Variants in STK38L observed in about 807,000 individuals in gnomAD.
STK38L encodes the protein serine/threonine-protein kinase 38-like.
STK38L carries 28 observed loss-of-function variants against 59.7 expected under a neutral mutation model. The ratio of observed to expected loss-of-function variants is 0.47; its 90% CI spans 0.35 to 0.64. STK38L has a LOEUF of 0.64. Ranked by LOEUF, STK38L falls within the 30% of genes least tolerant of loss-of-function variation. STK38L has a pLI of 0.01. For synonymous variants in STK38L, 162 were observed against 176.8 expected, an observed-to-expected ratio of 0.92 and a Z score of 0.66; for missense variants, 314 against 555.8, an observed-to-expected ratio of 0.56 and a Z score of 4.37.
rs191162039 is a variant in STK38L at position 27,318,565 on chromosome 12, G to A, written c.1079+546G>A. Reference sequence around the variant, plus strand: ...TTCGCTTATGCAGATAATCAGATACGTATAAAGATTTAGGTACACTATGAT... The same window carrying A: ...TTCGCTTATGCAGATAATCAGATACATATAAAGATTTAGGTACACTATGAT... On this transcript the variant is annotated intron_variant, in intron 11 of 13. Transcript: ENST00000389032. Among the ~76,000 whole-genome samples, 55 of 152,228 alleles carry A rather than the reference G, an allele frequency of 3.6e-4. 1 individual carries two copies. Among genetic ancestry groups the A allele is most frequent in the African/African-American group, 2.4e-5 (1 of 41,538 alleles).
chr12:27,280,000 C>T (rs1444296981), intron 1 of STK38L, among the ~76,000 whole-genome samples: 2 of 152,030 alleles, frequency 1.3e-5, no homozygotes, highest in African/African-American at 4.8e-5. Flanking sequence ...ATGTGGGAAG[C>T]GCCTACTTTA....
intron 1 of STK38L, among the ~76,000 whole-genome samples, chr12:27,262,725 AG>A (rs1163595510): frequency 1.4e-5 from 2 of 140,288 alleles, no homozygotes; most frequent in Non-Finnish European, 1.6e-5. Context: ...AAAAAAAAAA[AG>A]GAATAATATG....
At chr12:27,251,540 A>C (rs1228874990) in intron 1 of STK38L, among the ~76,000 whole-genome samples, 1 of 152,238 alleles carries the variant, frequency 6.6e-6, no homozygotes, top group Non-Finnish European at 1.5e-5. Flanking sequence ...TTTATTTAAC[A>C]CACTGGTCTT....
chr12:27,259,322 G>A (rs2029092), intron 1 of STK38L, among the ~76,000 whole-genome samples: 114,677 of 152,074 alleles, frequency 0.75, 43,646 homozygotes, highest in Non-Finnish European at 0.81. Flanking sequence ...GCATTCAGCA[G>A]AATTCCCATG....
chr12:27,297,898 G>C, intron 2 of STK38L, 44 bp downstream of exon 2: 4 of 1,604,868 alleles, frequency 2.5e-6, no homozygotes, highest in South Asian at 1.1e-5. Flanking sequence ...TAAATAAGCT[G>C]TTGTGCTGTG....
intron 1 of STK38L, among the ~76,000 whole-genome samples, chr12:27,262,800 ATTT>A (rs34286400): frequency 1.4e-5 from 2 of 140,828 alleles, no homozygotes; most frequent in African/African-American, 2.6e-5. Flanking sequence ...GACTCTGAGA[ATTT>A]TTTTTTTTTT....
At chr12:27,313,109 G>A (rs953682998) in intron 6 of STK38L, among the ~76,000 whole-genome samples, 18 of 151,946 alleles carry the variant, frequency 1.2e-4, no homozygotes, top group Admixed American at 5.9e-4. Flanking sequence ...TTAGCTGGGC[G>A]CAGTGGCGGG....
chr12:27,280,813 A>G (rs1474646171), intron 1 of STK38L, among the ~76,000 whole-genome samples: 1 of 152,234 alleles, frequency 6.6e-6, no homozygotes, highest in African/African-American at 2.4e-5. Context: ...TAGATTTCCA[A>G]CAGCTTATAA....
Position 27,312,577 on chromosome 12 carries a change from T to C in STK38L, c.422T>C (p.Ile141Thr), listed in dbSNP as rs1317351285. 2 of 1,613,908 alleles carry C rather than the reference T, an allele frequency of 1.2e-6. No homozygotes were observed. Among genetic ancestry groups the C allele is most frequent in the Non-Finnish European group, 1.7e-6 (2 of 1,180,000 alleles). ...GCCCATATCCGAGCAGAAAGAGATA[T>C]TTTGGTAGAAGCAGATGGTGCCTGG... is the stretch of plus-strand genomic sequence containing the variant. ...QVAHIRAERD[I>T]LVEADGAWVV... The change falls in exon 6 of 14, where the codon ATT (isoleucine) becomes ACT (threonine). Residue 141 changes from isoleucine to threonine, a missense_variant. Ile to Thr is a moderately conservative substitution (Grantham distance 89). Transcript: ENST00000389032.
rs980664908 is a variant in STK38L at position 27,324,140 on chromosome 12, G to A, written c.*1685G>A. 2.0e-5 allele frequency: 3 copies of A among 151,912 alleles called. No individual in the cohort carries two copies. Among genetic ancestry groups the A allele is most frequent in the African/African-American group, 7.2e-5 (3 of 41,394 alleles). 9.4% of individuals were successfully genotyped at this position (151,912 alleles called of 1,614,324 possible). On this transcript the variant is annotated 3_prime_UTR_variant, in exon 14 of 14. Coordinates refer to ENST00000389032, the MANE Select transcript of STK38L (RefSeq NM_015000.4). ...GTTTCCCCCAACTCCCCCATTTTTG[G>A]TTTGTTTCTTTTTAAATATTTGTTG... is the stretch of plus-strand genomic sequence containing the variant.
rs910425049 is a variant in STK38L at position 27,308,987 on chromosome 12, G to GAT, written c.310-115_310-114dup. 3.3e-4 allele frequency: 57 copies of GAT among 172,094 alleles called. No individual in the cohort carries two copies. Among genetic ancestry groups the GAT allele is most frequent in the East Asian group, 9.3e-4 (6 of 6,452 alleles). The allele number at this position is 172,094 out of a possible 1,614,324, so 10.7% of individuals were successfully genotyped here. ...AAATATATAGATATAAAAATATATA[G>GAT]ATATATATATATAAAATTCCTGAAA... On this transcript the variant is annotated intron_variant, in intron 4 of 13. Coordinates refer to ENST00000389032, the MANE Select transcript of STK38L (RefSeq NM_015000.4). The surrounding 1 kb of genome is among the most constrained non-coding windows in gnomAD (Gnocchi z 4.5).
chr12:27,249,584 C>T (rs11832834), intron 1 of STK38L, among the ~76,000 whole-genome samples: 17,997 of 152,104 alleles, frequency 0.12, 1,223 homozygotes, highest in Non-Finnish European at 0.16. Flanking sequence ...GTGATCCGCC[C>T]GCCTCGGCCT....
At chr12:27,280,890 A>G (rs1943639849) in intron 1 of STK38L, among the ~76,000 whole-genome samples, 2 of 152,234 alleles carry the variant, frequency 1.3e-5, no homozygotes, top group Non-Finnish European at 2.9e-5. Context: ...ACAGCAACAC[A>G]GCCTTGTCTT....
chr12:27,306,667 TAAAG>T (rs1196932308), intron 3 of STK38L, among the ~76,000 whole-genome samples: 1 of 150,262 alleles, frequency 6.7e-6, no homozygotes, highest in Non-Finnish European at 1.5e-5. Flanking sequence ...TAGCTTCCCT[TAAAG>T]AAAGCAGGAA....
At chr12:27,265,632 A>G (rs1943287172) in intron 1 of STK38L, among the ~76,000 whole-genome samples, 1 of 152,190 alleles carries the variant, frequency 6.6e-6, no homozygotes. Flanking sequence ...AAAGAAGACT[A>G]TTAAATGTTC....
At chr12:27,288,323 T>C (rs942176154) in intron 1 of STK38L, among the ~76,000 whole-genome samples, 3 of 152,176 alleles carry the variant, frequency 2.0e-5, no homozygotes, top group Non-Finnish European at 4.4e-5. Context: ...ACTTTAAATT[T>C]CCCTATTTAA....
chr12:27,324,385 T>C lies in STK38L; in HGVS notation c.*1930T>C, dbSNP rs1415320466. ...TCCCCTTTTTTTAAAAAGGACTGTT[T>C]TGCTAGTGTGATAATGAATAGGTAA... On this transcript the variant is annotated 3_prime_UTR_variant, in exon 14 of 14. Transcript: ENST00000389032. 1 of 152,104 alleles carries C rather than the reference T, an allele frequency of 6.6e-6. No individual in the cohort carries two copies. The highest frequency in any genetic ancestry group is 1.9e-4 in the East Asian group (1 of 5,204). The allele number at this position is 152,104 out of a possible 1,614,324, so 9.4% of individuals were successfully genotyped here. A position where few individuals can be genotyped will look rare whatever the true frequency, so the allele number is the denominator to read the frequency against.
At chr12:27,296,345 T>C (rs1219404976) in intron 1 of STK38L, among the ~76,000 whole-genome samples, 3 of 152,230 alleles carry the variant, frequency 2.0e-5, no homozygotes, top group Non-Finnish European at 2.9e-5. Context: ...GGAACAAATT[T>C]ATGCCAAAAT....
At position 27,308,578 on chromosome 12, in the gene STK38L, A is replaced by G. The variant is rs1222539129; in HGVS notation, c.309+117A>G. 5.4e-6 allele frequency: 6 copies of G among 1,104,314 alleles called. No individual in the cohort carries two copies. The African/African-American group carries it at 1.0e-4, about 19-fold the overall frequency. 68.4% of individuals were successfully genotyped at this position (1,104,314 alleles called of 1,614,324 possible). ...GGTGGCTCACGCCTGTAATCCCAAT[A>G]CTTTGGGAGGCCGAGGCGGGTGGAT... On this transcript the variant is annotated intron_variant, in intron 4 of 13. Coordinates refer to ENST00000389032, the MANE Select transcript of STK38L (RefSeq NM_015000.4). This position sits in a 1 kb window ranked among gnomAD's most constrained non-coding sequence, Gnocchi z 4.5.
Sources: allele counts gnomAD v4.1 joint callset (sites outside exome capture counted in the v4.1 genomes callset), GRCh38; gene constraint gnomAD v4.1.1; non-coding constraint Gnocchi (gnomAD v3.1); transcripts MANE v1.5; gene names NCBI Gene and HGNC (gene_info 2026-07-23, HGNC 2026-07-21).